Variants in ZFYVE28 observed in about 807,000 individuals in gnomAD.
The protein encoded by ZFYVE28 is lateral signaling target protein 2 homolog.
Under a neutral mutation model 82.1 loss-of-function variants are expected in ZFYVE28, and 40 were observed. That is an observed-to-expected ratio of 0.49 (90% CI 0.38 to 0.63). ZFYVE28 has a LOEUF of 0.63. ZFYVE28 is among the 30% of genes least tolerant of loss of function. The pLI, the probability that ZFYVE28 is intolerant of heterozygous loss-of-function variation, is 0.00. For missense variants in ZFYVE28, 1,321 were observed against 1,242.1 expected (o/e 1.06, Z -0.96); for synonymous variants, 612 against 546.1 (o/e 1.12, Z -1.68).
In ZFYVE28 at chr4:2,408,255, A is replaced by G. The variant is rs1306081839; in HGVS notation, c.39+10030T>C. Among the ~76,000 whole-genome samples, 1 of 152,122 alleles carries G rather than the reference A, an allele frequency of 6.6e-6. No homozygotes were observed. The highest frequency in any genetic ancestry group is 1.5e-5 in the Non-Finnish European group (1 of 68,002). The stretch of plus-strand genomic sequence containing the variant: ...CTGGGCCTCCCTGTGAGTGCTCCCA[A>G]GAACATCCTACCAAGCCAGCATTTC... On this transcript the variant is annotated intron_variant, in intron 1 of 12. Coordinates refer to ENST00000290974, the MANE Select transcript of ZFYVE28 (RefSeq NM_020972.3). The surrounding 1 kb of genome is among the most constrained non-coding windows in gnomAD (Gnocchi z 4.3).
intron 1 of ZFYVE28, among the ~76,000 whole-genome samples, chr4:2,381,883 A>AG (rs1728763352): frequency 6.6e-6 from 1 of 152,224 alleles, no homozygotes; most frequent in East Asian, 1.9e-4. Flanking sequence ...CCAGAGGCCT[A>AG]GGGGAAAATG....
At chr4:2,276,327 A>C (rs1228261335) in intron 8 of ZFYVE28, among the ~76,000 whole-genome samples, 2 of 152,188 alleles carry the variant, frequency 1.3e-5, no homozygotes, top group African/African-American at 4.8e-5. Context: ...CTCCCCTCCC[A>C]GGTGGTCAGG....
At chr4:2,308,675 A>AAGAAAGAAAGAAAGAAAGAAAGAAAGAG (rs1200372952) in intron 7 of ZFYVE28, among the ~76,000 whole-genome samples, 6 of 93,214 alleles carry the variant, frequency 6.4e-5, no homozygotes, top group East Asian at 2.8e-4. Flanking sequence ...GAAAGAAAGA[A>AAGAAAGAAAGAAAGAAAGAAAGAAAGAG]AGAGAAAGAA....
At chr4:2,377,928 T>C (rs1051003323) in intron 1 of ZFYVE28, among the ~76,000 whole-genome samples, 1 of 152,210 alleles carries the variant, frequency 6.6e-6, no homozygotes. Context: ...GTAGAGCCTG[T>C]TGCTCCTGGG....
At chr4:2,331,595 ACT>A (rs926301250) in intron 6 of ZFYVE28, among the ~76,000 whole-genome samples, 3 of 152,074 alleles carry the variant, frequency 2.0e-5, no homozygotes, top group East Asian at 1.9e-4. Flanking sequence ...TCGTGGAGAC[ACT>A]CTCCCCAGGA....
At position 2,304,946 on chromosome 4, in the gene ZFYVE28, G is replaced by GCCTCGAGATTGTTGTTGCTCAAGTCCT; in HGVS notation, c.1367_1393dup (p.Glu456_Glu464dup). The GCCTCGAGATTGTTGTTGCTCAAGTCCT allele has an allele frequency of 6.2e-7, 1 of 1,612,676 alleles. No individual in the cohort carries two copies. Among genetic ancestry groups the GCCTCGAGATTGTTGTTGCTCAAGTCCT allele is most frequent in the East Asian group, 2.2e-5 (1 of 44,856 alleles). On this transcript the variant is annotated inframe_insertion, in exon 8 of 13. Coordinates refer to ENST00000290974, the MANE Select transcript of ZFYVE28 (RefSeq NM_020972.3). ...GAGGCTGGCCCCATCTGTGCCCTCG[G>GCCTCGAGATTGTTGTTGCTCAAGTCCT]CCTCGAGATTGTTGTTGCTCAAGTC...
chr4:2,344,021 T>C (rs1159453403), intron 2 of ZFYVE28, among the ~76,000 whole-genome samples: 1 of 152,140 alleles, frequency 6.6e-6, no homozygotes, highest in East Asian at 1.9e-4. Context: ...TCCATGACAC[T>C]GGACATCAGG....
chr4:2,347,550 C>A (rs1723774860), intron 2 of ZFYVE28, among the ~76,000 whole-genome samples: 1 of 152,012 alleles, frequency 6.6e-6, no homozygotes, highest in Admixed American at 6.6e-5. Flanking sequence ...TAAAAATAAT[C>A]CAAGTCACAC....
At chr4:2,276,494 T>G (rs1430825770) in intron 8 of ZFYVE28, among the ~76,000 whole-genome samples, 1 of 152,286 alleles carries the variant, frequency 6.6e-6, no homozygotes, top group South Asian at 2.1e-4. Flanking sequence ...GGAACTGAAA[T>G]TTGGGACTCG....
intron 1 of ZFYVE28, chr4:2,364,857 C>T: frequency 1.0e-6 from 1 of 985,510 alleles, no homozygotes; most frequent in Non-Finnish European, 1.2e-6. Context: ...CCCCACGTCG[C>T]CGCGGCAAAG....
At chr4:2,311,839 G>T (rs1009405952) in intron 7 of ZFYVE28, among the ~76,000 whole-genome samples, 2 of 152,076 alleles carry the variant, frequency 1.3e-5, no homozygotes, top group African/African-American at 4.8e-5. Flanking sequence ...TACAGTGACA[G>T]GATCATAGCT....
intron 2 of ZFYVE28, among the ~76,000 whole-genome samples, chr4:2,350,160 T>C (rs1724159524): frequency 6.6e-6 from 1 of 152,130 alleles, no homozygotes; most frequent in Non-Finnish European, 1.5e-5. Context: ...ATAATAAGTG[T>C]ATTTAGAAAG....
intron 8 of ZFYVE28, among the ~76,000 whole-genome samples, chr4:2,280,794 C>T (rs182939148): frequency 2.0e-5 from 3 of 152,302 alleles, no homozygotes; most frequent in Admixed American, 2.0e-4. Context: ...AAGGAGAAGC[C>T]CATGGGAAGT....
In ZFYVE28 at chr4:2,293,778, A is replaced by G. The variant is rs1224939869; in HGVS notation, c.2051+10511T>C. ...AAAAAAAAAAAAAAAAAAATCTTCT[A>G]GAAGATCTACAAAAATCAGTTATAG... On this transcript the variant is annotated intron_variant, in intron 8 of 12. Transcript: ENST00000290974. Among the ~76,000 whole-genome samples the G allele has an allele frequency of 7.7e-5, 11 of 142,098 alleles. No individual in the cohort carries two copies. In the South Asian group the frequency reaches 1.8e-3, roughly 23 times the overall value. The allele number at this position is 142,098 out of a possible 152,430, so 93.2% of individuals were successfully genotyped here. A position where few individuals can be genotyped will look rare whatever the true frequency, so the allele number is the denominator to read the frequency against.
chr4:2,357,794 TGAGAAA>T (rs1725552919), intron 1 of ZFYVE28, among the ~76,000 whole-genome samples: 1 of 152,124 alleles, frequency 6.6e-6, no homozygotes, highest in Admixed American at 6.5e-5. Context: ...ATCTCGGCTC[TGAGAAA>T]GAGGACACGA....
chr4:2,373,539 A>G (rs1158802415), intron 1 of ZFYVE28, among the ~76,000 whole-genome samples: 1 of 152,180 alleles, frequency 6.6e-6, no homozygotes, highest in East Asian at 1.9e-4. Context: ...GTTCTGAAAA[A>G]TGTAAAAGAA....
intron 7 of ZFYVE28, among the ~76,000 whole-genome samples, chr4:2,314,202 T>G (rs1717890807): frequency 6.6e-6 from 1 of 152,242 alleles, no homozygotes; most frequent in Non-Finnish European, 1.5e-5. Context: ...TTTACTTTGA[T>G]AAATATAACT....
In ZFYVE28 at chr4:2,418,252, C is replaced by CG. The variant is rs778652453; in HGVS notation, c.39+32dup. On this transcript the variant is annotated intron_variant, in intron 1 of 12. Coordinates refer to ENST00000290974, the MANE Select transcript of ZFYVE28 (RefSeq NM_020972.3). This position sits in a 1 kb window ranked among gnomAD's most constrained non-coding sequence, Gnocchi z 4.6. ...CCTGGGGAAGGGAGAGGCCGCGACG[C>CG]GGGGGGCGTCCGGCCCGAGCGGGGC... The CG allele has an allele frequency of 4.6e-6, 7 of 1,528,224 alleles. No individual in the cohort carries two copies. The highest frequency in any genetic ancestry group is 4.2e-5 in the African/African-American group (3 of 71,232). The allele number at this position is 1,528,224 out of a possible 1,614,324, so 94.7% of individuals were successfully genotyped here. A position where few individuals can be genotyped will look rare whatever the true frequency, so the allele number is the denominator to read the frequency against.
intron 7 of ZFYVE28, among the ~76,000 whole-genome samples, chr4:2,310,159 C>T (rs1717272028): frequency 6.6e-6 from 1 of 152,076 alleles, no homozygotes; most frequent in African/African-American, 2.4e-5. Context: ...CCATCTCAGC[C>T]TCCCAAGTAG....
Sources: gnomAD v4.1 joint callset for allele counts (sites outside exome capture counted in the v4.1 genomes callset) on GRCh38, gnomAD v4.1.1 for gene constraint, Gnocchi (gnomAD v3.1) non-coding constraint, MANE v1.5 for transcripts, NCBI Gene and HGNC (gene_info 2026-07-23, HGNC 2026-07-21) for gene names.